Variants in RTKN2 observed in about 807,000 individuals in gnomAD.
RTKN2 encodes rhotekin 2, also known as rhotekin-2.
A neutral mutation model predicts 71.5 loss-of-function variants in RTKN2; 69 were observed. The observed-to-expected ratio is 0.96, with a 90% CI of 0.79 to 1.18. The LOEUF (loss-of-function observed/expected upper bound fraction) is 1.18, where lower values mean the gene tolerates loss of function less well. Ranked by LOEUF, RTKN2 falls within the 50% of genes most tolerant of loss-of-function variation. The pLI is 0.00. For synonymous variants in RTKN2, 236 were observed against 236.5 expected, an observed-to-expected ratio of 1.00 and a Z score of 0.02; for missense variants, 724 against 719.7, an observed-to-expected ratio of 1.01 and a Z score of -0.07.
intron 8 of RTKN2, 95 bp from the exon 9 acceptor site, chr10:62,217,344 T>A (rs899208197): frequency 1.1e-6 from 1 of 876,012 alleles, no homozygotes; most frequent in African/African-American, 1.8e-5. Context: ...AATTAGTTAT[T>A]TAGAATTTTT....
intron 2 of RTKN2, among the ~76,000 whole-genome samples, chr10:62,249,700 G>A (rs1842544092): frequency 6.6e-6 from 1 of 152,052 alleles, no homozygotes; most frequent in African/African-American, 2.4e-5. Context: ...TTTAACCTCA[G>A]CATCTTTATC....
intron 6 of RTKN2, among the ~76,000 whole-genome samples, chr10:62,233,783 A>G (rs1842200403): frequency 6.6e-6 from 1 of 152,194 alleles, no homozygotes; most frequent in Admixed American, 6.5e-5. Flanking sequence ...CATGTAATAT[A>G]TATCACATGA....
At chr10:62,261,197 G>A (rs1295702053) in intron 2 of RTKN2, among the ~76,000 whole-genome samples, 1 of 152,166 alleles carries the variant, frequency 6.6e-6, no homozygotes, top group Admixed American at 6.5e-5. Flanking sequence ...TATAATGCTG[G>A]AGGCATATAA....
intron 2 of RTKN2, among the ~76,000 whole-genome samples, chr10:62,259,800 C>T (rs553681550): frequency 6.6e-6 from 1 of 152,278 alleles, no homozygotes; most frequent in South Asian, 2.1e-4. Context: ...AATCTGACCA[C>T]CTTGGCCTCT....
At chr10:62,241,312 T>G (rs1355631025) in intron 3 of RTKN2, 117 bp from the exon 4 acceptor site, 4 of 606,636 alleles carry the variant, frequency 6.6e-6, no homozygotes, top group Non-Finnish European at 1.2e-5. Context: ...AAATAAAGTG[T>G]TATTATTTAA....
chr10:62,242,520 T>C (rs1281800616), intron 3 of RTKN2, among the ~76,000 whole-genome samples: 2 of 152,210 alleles, frequency 1.3e-5, no homozygotes, highest in African/African-American at 4.8e-5. Flanking sequence ...TACCACTTTT[T>C]GTATATTTAT....
At chr10:62,199,890 G>T (rs777766585) in intron 10 of RTKN2, 29 bp from the exon 11 acceptor site, 1 of 1,344,638 alleles carries the variant, frequency 7.4e-7, no homozygotes, top group Non-Finnish European at 1.1e-6. Flanking sequence ...AGGTAGACTA[G>T]TTTAAAACAT....
Position 62,241,299 on chromosome 10 carries a change from CTAAAA to C in RTKN2, c.317-109_317-105del, listed in dbSNP as rs1452051288. 4.3e-5 allele frequency: 28 copies of C among 648,754 alleles called. No homozygotes were observed. The South Asian group carries it at 4.9e-4, about 11-fold the overall frequency. 40.2% of individuals were successfully genotyped at this position (648,754 alleles called of 1,614,324 possible). On this transcript the variant is annotated intron_variant, in intron 3 of 11. Coordinates refer to ENST00000373789, the MANE Select transcript of RTKN2 (RefSeq NM_145307.4). The stretch of plus-strand genomic sequence containing the variant: ...TCCATAATAATTCTGACTACTATAG[CTAAAA>C]TAAAGTGTTATTATTTAACAGCACA...
At chr10:62,261,007 C>T (rs1294172625) in intron 2 of RTKN2, among the ~76,000 whole-genome samples, 1 of 152,172 alleles carries the variant, frequency 6.6e-6, no homozygotes, top group Non-Finnish European at 1.5e-5. Flanking sequence ...CTATTCTAAA[C>T]TTCTCATGCT....
At chr10:62,263,292 GACTAATAT>G (rs1270971448) in intron 1 of RTKN2, among the ~76,000 whole-genome samples, 7 of 152,116 alleles carry the variant, frequency 4.6e-5, no homozygotes, top group Non-Finnish European at 1.0e-4. Flanking sequence ...TGAAGACAGA[GACTAATAT>G]GTCTATAAGC....
At chr10:62,267,484 GA>G (rs1459163448) in intron 1 of RTKN2, among the ~76,000 whole-genome samples, 2 of 152,078 alleles carry the variant, frequency 1.3e-5, no homozygotes, top group African/African-American at 4.8e-5. Context: ...GGACAGGACT[GA>G]AAAAAAGTAC....
intron 2 of RTKN2, among the ~76,000 whole-genome samples, chr10:62,260,399 C>T (rs1315828761): frequency 2.0e-5 from 3 of 152,272 alleles, no homozygotes; most frequent in African/African-American, 7.2e-5. Flanking sequence ...TATATCTGAT[C>T]AGTCACCTCA....
In RTKN2 at chr10:62,196,356, A is replaced by G; in HGVS notation, c.*1552T>C. On this transcript the variant is annotated 3_prime_UTR_variant, in exon 12 of 12. Coordinates refer to ENST00000373789, the MANE Select transcript of RTKN2 (RefSeq NM_145307.4). The stretch of plus-strand genomic sequence containing the variant: ...GCATATAGTACTTTCTTCTCACCAA[A>G]AACTCTGTCTGTCCTGATGTTACCA... 1.0e-6 allele frequency: 1 copy of G among 984,536 alleles called. No homozygotes were observed. The highest frequency in any genetic ancestry group is 1.2e-6 in the Non-Finnish European group (1 of 829,158). 61.0% of individuals were successfully genotyped at this position (984,536 alleles called of 1,614,324 possible). A position where few individuals can be genotyped will look rare whatever the true frequency, so the allele number is the denominator to read the frequency against.
At chr10:62,245,910 A>G (rs1324698183) in intron 3 of RTKN2, 89 bp downstream of exon 3, 1 of 771,820 alleles carries the variant, frequency 1.3e-6, no homozygotes, top group African/African-American at 1.8e-5. Context: ...CAAAATGAAG[A>G]GAATGGAGAC....
intron 10 of RTKN2, among the ~76,000 whole-genome samples, chr10:62,200,200 T>C (rs1027979555): frequency 9.9e-5 from 15 of 151,420 alleles, no homozygotes; most frequent in African/African-American, 3.6e-4. Flanking sequence ...CCTTCTCTAC[T>C]AAAAATACAA....
chr10:62,190,767 T>C (rs930570116), downstream of RTKN2, among the ~76,000 whole-genome samples: 1 of 152,208 alleles, frequency 6.6e-6, no homozygotes, highest in African/African-American at 2.4e-5. Flanking sequence ...GCTCTAGTTC[T>C]GATGCCAACT....
intron 2 of RTKN2, among the ~76,000 whole-genome samples, chr10:62,256,532 T>C (rs926306633): frequency 2.0e-5 from 3 of 152,200 alleles, no homozygotes; most frequent in Non-Finnish European, 4.4e-5. Context: ...ATTTTGTATA[T>C]AATATTTTGA....
At position 62,263,982 on chromosome 10, in the gene RTKN2, T is replaced by A. The variant is rs78981829; in HGVS notation, c.61-1161A>T. Among the ~76,000 whole-genome samples, 6 of 152,288 alleles carry A rather than the reference T, an allele frequency of 3.9e-5. No homozygotes were observed. In the East Asian group the frequency reaches 9.6e-4, roughly 24 times the overall value. ...ACAATGACTTTATAAAAATTATAAATCAAAGGTACTCTTTATTATATCACA... is the reference window on the plus strand; with the variant it reads ...ACAATGACTTTATAAAAATTATAAAACAAAGGTACTCTTTATTATATCACA... On this transcript the variant is annotated intron_variant, in intron 1 of 11. Transcript: ENST00000373789.
intron 2 of RTKN2, among the ~76,000 whole-genome samples, chr10:62,250,559 T>C (rs891386836): frequency 1.3e-5 from 2 of 152,242 alleles, no homozygotes; most frequent in Non-Finnish European, 1.5e-5. Flanking sequence ...ATGGTTTCAG[T>C]TGTCCAGAGT....
Sources: allele counts gnomAD v4.1 joint callset (sites outside exome capture counted in the v4.1 genomes callset), GRCh38; gene constraint gnomAD v4.1.1; transcripts MANE v1.5; gene names NCBI Gene and HGNC (gene_info 2026-07-23, HGNC 2026-07-21).